Variants in VWA3B observed in about 807,000 individuals in gnomAD.
VWA3B encodes the protein von Willebrand factor A domain-containing protein 3B.
A neutral mutation model predicts 158.3 loss-of-function variants in VWA3B; 138 were observed. The observed-to-expected ratio is 0.87, with a 90% CI of 0.76 to 1.00. The LOEUF (loss-of-function observed/expected upper bound fraction) is 1.00. VWA3B is among the 50% of genes least tolerant of loss of function. The pLI is 0.00. For missense variants in VWA3B, 1,555 were observed against 1,565.1 expected, an observed-to-expected ratio of 0.99 and a Z score of 0.11; for synonymous variants, 596 against 587.3, an observed-to-expected ratio of 1.01 and a Z score of -0.21.
At chr2:98,122,129 A>T (rs1370538004) in intron 5 of VWA3B, 2 of 152,320 alleles carry the variant, frequency 1.3e-5, no homozygotes, top group Non-Finnish European at 2.9e-5. Flanking sequence ...TGTCTCTTTG[A>T]GCCACAGGGT....
chr2:98,307,054 G>A (rs1232470318), intron 26 of VWA3B, among the ~76,000 whole-genome samples: 2 of 152,172 alleles, frequency 1.3e-5, no homozygotes, highest in African/African-American at 4.8e-5. Context: ...CTTCTGGTAG[G>A]TCCCTTCCTC....
chr2:98,209,920 G>T (rs935980611), intron 12 of VWA3B, among the ~76,000 whole-genome samples: 1 of 152,122 alleles, frequency 6.6e-6, no homozygotes, highest in African/African-American at 2.4e-5. Flanking sequence ...GTGGGCTTTC[G>T]TTCCAGTGGC....
intron 22 of VWA3B, among the ~76,000 whole-genome samples, chr2:98,281,447 C>A (rs1025866948): frequency 6.6e-6 from 1 of 152,090 alleles, no homozygotes; most frequent in Non-Finnish European, 1.5e-5. Context: ...GCTGCTGTTA[C>A]GACAATTAGG....
chr2:98,121,349 A>C lies in VWA3B; in HGVS notation c.593A>C (p.Glu198Ala). The change falls in exon 5 of 28, where the codon GAA (glutamate) becomes GCA (alanine). Residue 198 changes from glutamate to alanine, a missense_variant. Transcript: ENST00000477737. ...CAGGAAAATGCTACTCCTGTGACCG[A>C]ACAGTCCATAGCTACTGCCATCAGT... ...KWQENATPVTEQSIATAISWV... is the reference protein window; with the variant it reads ...KWQENATPVTAQSIATAISWV... The C allele has an allele frequency of 1.9e-6, 3 of 1,614,154 alleles. No individual in the cohort carries two copies. The highest frequency in any genetic ancestry group is 2.5e-6 in the Non-Finnish European group (3 of 1,179,992).
chr2:98,193,021 C>T lies in VWA3B; in HGVS notation c.1590C>T (p.Ile530=). Residue 530 remains isoleucine (I), a synonymous_variant, in exon 11 of 28, where the codon ATC becomes ATT. Coordinates refer to ENST00000477737, the MANE Select transcript of VWA3B (RefSeq NM_144992.5). ...KSKLDLVKDK[I]IQFIQEQLKY... ...AACTGGACTTGGTGAAGGACAAGAT[C>T]ATTCAGTTCATACAGGTTAGATGGA... 6.2e-7 allele frequency: 1 copy of T among 1,613,280 alleles called. No individual in the cohort carries two copies. The highest frequency in any genetic ancestry group is 8.5e-7 in the Non-Finnish European group (1 of 1,179,552).
At chr2:98,180,626 C>T (rs1410378556) in intron 8 of VWA3B, among the ~76,000 whole-genome samples, 1 of 152,234 alleles carries the variant, frequency 6.6e-6, no homozygotes, top group East Asian at 1.9e-4. Context: ...GTTTGAGCAA[C>T]TTGCTAGAAG....
At chr2:98,238,321 A>C (rs1685837935) in intron 19 of VWA3B, among the ~76,000 whole-genome samples, 1 of 152,140 alleles carries the variant, frequency 6.6e-6, no homozygotes, top group South Asian at 2.1e-4. Flanking sequence ...TTTATACCTA[A>C]TTAGTCAGAT....
chr2:98,197,378 C>G (rs996747116), intron 12 of VWA3B, among the ~76,000 whole-genome samples: 1 of 152,126 alleles, frequency 6.6e-6, no homozygotes, highest in African/African-American at 2.4e-5. Flanking sequence ...CCAAAAGTTA[C>G]CATTTTTTTC....
At position 98,232,786 on chromosome 2, in the gene VWA3B, T is replaced by C. The variant is rs1685424527; in HGVS notation, c.2309-1862T>C. 3.3e-5 allele frequency among the ~76,000 whole-genome samples: 5 copies of C among 151,888 alleles called. No homozygotes were observed. The South Asian group carries it at 1.0e-3, about 32-fold the overall frequency. On this transcript the variant is annotated intron_variant, in intron 16 of 27. Coordinates refer to ENST00000477737, the MANE Select transcript of VWA3B (RefSeq NM_144992.5). ...GTTAATATTTTGGTGCTTGTTTTTA[T>C]GGTGTTTCTGGGGCTCCTACTGGTC... is the stretch of plus-strand genomic sequence containing the variant.
chr2:98,297,997 C>T lies in VWA3B; in HGVS notation c.3248C>T (p.Pro1083Leu). 6.3e-7 allele frequency: 1 copy of T among 1,584,468 alleles called. No individual in the cohort carries two copies. The highest frequency in any genetic ancestry group is 1.4e-5 in the African/African-American group (1 of 73,494). ...TKVVSTSFIT[P>L]VGGAMPCPLL... The stretch of plus-strand genomic sequence containing the variant: ...GTCGTGTCCACCTCCTTCATCACGC[C>T]TGTGGGGGGCGCCATGCCCTGCCCG... Residue 1083 changes from proline to leucine, a missense_variant, in exon 24 of 28, where the codon CCT becomes CTT. Physicochemically the swap from Pro to Leu is moderately conservative, Grantham distance 98. Transcript: ENST00000477737.
the VWA3B span, among the ~76,000 whole-genome samples, chr2:98,329,158 T>C: frequency 6.6e-6 from 1 of 152,066 alleles, no homozygotes; most frequent in Non-Finnish European, 1.5e-5. Context: ...CCATAAACAA[T>C]AAATCACACC....
At position 98,115,619 on chromosome 2, in the gene VWA3B, C is replaced by T. The variant is rs747464788; in HGVS notation, c.197-33C>T. ...AATAGGAAGGTTCACTCATGTACTA[C>T]TGTTTTGATTGTTTTTCTTTATAAA... On this transcript the variant is annotated intron_variant, in intron 2 of 27. Coordinates refer to ENST00000477737, the MANE Select transcript of VWA3B (RefSeq NM_144992.5). The T allele has an allele frequency of 7.1e-6, 11 of 1,552,428 alleles. No individual in the cohort carries two copies. The East Asian group carries it at 2.5e-4, about 35-fold the overall frequency.
At chr2:98,222,927 T>TA (rs759659631) in intron 14 of VWA3B, among the ~76,000 whole-genome samples, 11 of 152,002 alleles carry the variant, frequency 7.2e-5, no homozygotes, top group South Asian at 2.1e-4. Flanking sequence ...TAGGATCCAG[T>TA]AAAAAAAGTG....
chr2:98,293,490 T>C (rs1689618104), intron 23 of VWA3B, among the ~76,000 whole-genome samples: 1 of 152,244 alleles, frequency 6.6e-6, no homozygotes, highest in Admixed American at 6.5e-5. Context: ...TTTACTTTCA[T>C]GATTTTTTTA....
intron 15 of VWA3B, 55 bp downstream of exon 15, chr2:98,228,387 T>C (rs1242324874): frequency 4.5e-6 from 7 of 1,557,448 alleles, no homozygotes; most frequent in African/African-American, 1.4e-5. Context: ...AGAGCTGGGC[T>C]TGCCCCCTGG....
chr2:98,186,888 C>T (rs1681112576), intron 9 of VWA3B, among the ~76,000 whole-genome samples: 1 of 152,142 alleles, frequency 6.6e-6, no homozygotes, highest in Admixed American at 6.5e-5. Flanking sequence ...AAAGCCAGCT[C>T]ATTTCCGACA....
At chr2:98,270,563 C>T (rs1459280875) in intron 21 of VWA3B, 119 bp from the exon 22 acceptor site, 7 of 1,026,502 alleles carry the variant, frequency 6.8e-6, no homozygotes, top group Non-Finnish European at 9.8e-6. Flanking sequence ...CTAGCTTCAA[C>T]AGATGTTTCT....
chr2:98,259,911 A>C (rs1051624601), intron 21 of VWA3B, among the ~76,000 whole-genome samples: 12 of 151,548 alleles, frequency 7.9e-5, no homozygotes, highest in African/African-American at 2.9e-4. Context: ...TGCACCCATA[A>C]ATTTGGGTGT....
At chr2:98,295,526 A>G (rs17428528) in intron 23 of VWA3B, among the ~76,000 whole-genome samples, 5,930 of 152,276 alleles carry the variant, frequency 0.039, 166 homozygotes, top group Middle Eastern at 0.075. Flanking sequence ...GCAGGGAGCC[A>G]ACTCATCCCC....
Sources: allele counts gnomAD v4.1 joint callset (sites outside exome capture counted in the v4.1 genomes callset), GRCh38; gene constraint gnomAD v4.1.1; transcripts MANE v1.5; gene names NCBI Gene and HGNC (gene_info 2026-07-23, HGNC 2026-07-21).